RPS6KC1: variants seen among roughly 807,000 people sequenced by gnomAD.
RPS6KC1 encodes inactive ribosomal protein S6 kinase delta-1.
A neutral mutation model predicts 103.8 loss-of-function variants in RPS6KC1; 54 were observed. That is an observed-to-expected ratio of 0.52 (90% CI 0.42 to 0.65). The LOEUF (loss-of-function observed/expected upper bound fraction) is 0.65, where lower values mean the gene tolerates loss of function less well. RPS6KC1 is among the 30% of genes least tolerant of loss of function. The pLI is 0.00. For synonymous variants in RPS6KC1, 439 were observed against 438.7 expected, an observed-to-expected ratio of 1.00 and a Z score of -0.01; for missense variants, 1,151 against 1,253.8, an observed-to-expected ratio of 0.92 and a Z score of 1.24.
the RPS6KC1 span, among the ~76,000 whole-genome samples, chr1:213,511,982 G>A: frequency 2.6e-5 from 4 of 152,234 alleles, no homozygotes; most frequent in South Asian, 2.1e-4. Flanking sequence ...AACACCACCC[G>A]CTATGTGTTT....
At chr1:213,808,620 A>G in the RPS6KC1 span, among the ~76,000 whole-genome samples, 1 of 152,214 alleles carries the variant, frequency 6.6e-6, no homozygotes, top group Non-Finnish European at 1.5e-5. Flanking sequence ...TCCGTTATTT[A>G]AGCCCATTGG....
chr1:213,663,436 C>G, the RPS6KC1 span, among the ~76,000 whole-genome samples: 1 of 152,258 alleles, frequency 6.6e-6, no homozygotes, highest in African/African-American at 2.4e-5. Context: ...TCATCAGGTT[C>G]CTGGGCTACC....
the RPS6KC1 span, among the ~76,000 whole-genome samples, chr1:213,338,082 G>A: frequency 6.6e-6 from 1 of 152,086 alleles, no homozygotes; most frequent in African/African-American, 2.4e-5. Flanking sequence ...CAGTTATTGG[G>A]GGAAGAGCTG....
At chr1:213,504,616 G>A in the RPS6KC1 span, among the ~76,000 whole-genome samples, 2 of 152,168 alleles carry the variant, frequency 1.3e-5, no homozygotes, top group Non-Finnish European at 2.9e-5. Flanking sequence ...CTGCACATCT[G>A]AAAATGTAAC....
At chr1:213,802,528 C>G in the RPS6KC1 span, among the ~76,000 whole-genome samples, 1 of 152,192 alleles carries the variant, frequency 6.6e-6, no homozygotes, top group Non-Finnish European at 1.5e-5. Context: ...TGAACACTCA[C>G]CTTTCTGGCT....
the RPS6KC1 span, among the ~76,000 whole-genome samples, chr1:213,282,250 A>T: frequency 2.0e-5 from 3 of 152,184 alleles, no homozygotes; most frequent in Non-Finnish European, 4.4e-5. Flanking sequence ...AGAGGACATG[A>T]ATTATTGGGC....
the RPS6KC1 span, among the ~76,000 whole-genome samples, chr1:213,413,616 T>C: frequency 6.6e-6 from 1 of 152,230 alleles, no homozygotes; most frequent in African/African-American, 2.4e-5. Flanking sequence ...ACATCCTCAT[T>C]GGGCTACTTG....
chr1:213,416,237 C>T, the RPS6KC1 span, among the ~76,000 whole-genome samples: 1 of 152,242 alleles, frequency 6.6e-6, no homozygotes, highest in Non-Finnish European at 1.5e-5. Flanking sequence ...GGCAAACCCA[C>T]AGGCCTCTGT....
the RPS6KC1 span, among the ~76,000 whole-genome samples, chr1:213,620,905 G>A: frequency 2.0e-5 from 3 of 152,112 alleles, no homozygotes; most frequent in African/African-American, 4.8e-5. Context: ...TTAAACCACA[G>A]GGAAGAGCCT....
chr1:213,145,515 C>T (rs764486630), intron 6 of RPS6KC1, among the ~76,000 whole-genome samples: 20 of 151,916 alleles, frequency 1.3e-4, no homozygotes, highest in Admixed American at 5.3e-4. Context: ...GGAAACTACT[C>T]GAGACCAAAA....
At chr1:213,326,463 C>T in the RPS6KC1 span, among the ~76,000 whole-genome samples, 1 of 152,192 alleles carries the variant, frequency 6.6e-6, no homozygotes, top group Admixed American at 6.5e-5. Flanking sequence ...CAGATTTCTA[C>T]CTCTTTTTTG....
At chr1:213,327,388 TG>T in the RPS6KC1 span, among the ~76,000 whole-genome samples, 1 of 152,148 alleles carries the variant, frequency 6.6e-6, no homozygotes, top group African/African-American at 2.4e-5. Context: ...AACAAAACCA[TG>T]CAGAGCAGTC....
the RPS6KC1 span, among the ~76,000 whole-genome samples, chr1:213,743,835 T>C: frequency 6.6e-6 from 1 of 152,178 alleles, no homozygotes; most frequent in Admixed American, 6.5e-5. Flanking sequence ...ATTTTTGGAT[T>C]CTATGATAGG....
chr1:213,260,863 C>T (rs139804877), intron 12 of RPS6KC1, among the ~76,000 whole-genome samples: 44 of 151,676 alleles, frequency 2.9e-4, no homozygotes, highest in Non-Finnish European at 2.9e-4. Context: ...CTTGTGCTGG[C>T]GAGAGATAGG....
chr1:213,597,457 G>A, the RPS6KC1 span, among the ~76,000 whole-genome samples: 4 of 152,188 alleles, frequency 2.6e-5, no homozygotes, highest in Non-Finnish European at 5.9e-5. Context: ...GTGATGTGAA[G>A]AAGGAAACAG....
At chr1:213,260,756 CAAAA>C (rs35685015) in intron 12 of RPS6KC1, among the ~76,000 whole-genome samples, 14 of 121,668 alleles carry the variant, frequency 1.2e-4, no homozygotes, top group East Asian at 7.3e-4. Context: ...CTAAAAGCCT[CAAAA>C]AAAAAAAAAA....
At chr1:213,177,321 A>G (rs1416501798) in intron 8 of RPS6KC1, among the ~76,000 whole-genome samples, 1 of 152,256 alleles carries the variant, frequency 6.6e-6, no homozygotes, top group Non-Finnish European at 1.5e-5. Flanking sequence ...TGCTTTATTT[A>G]ATATTAAGGG....
chr1:213,562,329 T>C, the RPS6KC1 span, among the ~76,000 whole-genome samples: 1 of 146,160 alleles, frequency 6.8e-6, no homozygotes, highest in Non-Finnish European at 1.5e-5. Flanking sequence ...TTAAAAATAA[T>C]ATATTCCGTA....
intron 1 of RPS6KC1, among the ~76,000 whole-genome samples, chr1:213,056,195 A>G (rs1432881636): frequency 1.3e-5 from 2 of 152,234 alleles, no homozygotes; most frequent in Non-Finnish European, 2.9e-5. Flanking sequence ...TGAGTCAAGC[A>G]GTTTATATTA....
Sources: allele counts gnomAD v4.1 joint callset (sites outside exome capture counted in the v4.1 genomes callset), GRCh38; gene constraint gnomAD v4.1.1; transcripts MANE v1.5; gene names NCBI Gene and HGNC (gene_info 2026-07-23, HGNC 2026-07-21).